LRCH1: variants seen among roughly 807,000 people sequenced by gnomAD.
The protein encoded by LRCH1 is leucine rich repeats and calponin homology domain containing 1.
LRCH1 carries 23 observed loss-of-function variants against 94.9 expected under a neutral mutation model. The observed-to-expected ratio is 0.24, with a 90% CI of 0.17 to 0.34. The LOEUF (loss-of-function observed/expected upper bound fraction) is 0.34, where lower values mean the gene tolerates loss of function less well. Ranked by LOEUF, LRCH1 falls within the 10% of genes least tolerant of loss-of-function variation. LRCH1 has a pLI of 1.00. For missense variants in LRCH1, 790 were observed against 945.9 expected, an observed-to-expected ratio of 0.84 and a Z score of 2.16; for synonymous variants, 364 against 354.9, an observed-to-expected ratio of 1.03 and a Z score of -0.29.
At chr13:46,613,429 ACT>A (rs1381530611) in intron 1 of LRCH1, among the ~76,000 whole-genome samples, 1 of 151,436 alleles carries the variant, frequency 6.6e-6, no homozygotes, top group Non-Finnish European at 1.5e-5. Flanking sequence ...TTGTATTTAT[ACT>A]CTCTGCTCCT....
chr13:46,721,273 AAG>A (rs749515684), intron 16 of LRCH1, among the ~76,000 whole-genome samples: 20 of 152,186 alleles, frequency 1.3e-4, no homozygotes, highest in Non-Finnish European at 2.8e-4. Context: ...CCCCAGAAAA[AAG>A]GCAAAGGAAA....
chr13:46,658,314 CA>C (rs554379577), intron 2 of LRCH1, among the ~76,000 whole-genome samples: 24 of 151,976 alleles, frequency 1.6e-4, no homozygotes, highest in Non-Finnish European at 1.8e-4. Context: ...CATTGATTAC[CA>C]GTGATTTTTT....
intron 1 of LRCH1, among the ~76,000 whole-genome samples, chr13:46,564,084 G>C (rs2050157073): frequency 6.6e-6 from 1 of 152,196 alleles, no homozygotes; most frequent in African/African-American, 2.4e-5. Context: ...AAAGCTAACG[G>C]TAGTTACAGA....
At chr13:46,711,955 CTT>C in intron 14 of LRCH1, 111 bp downstream of exon 14, 1 of 782,972 alleles carries the variant, frequency 1.3e-6, no homozygotes, top group Non-Finnish European at 2.1e-6. Flanking sequence ...TTAATTGAGT[CTT>C]TGGGGGAATC....
chr13:46,722,820 A>G (rs1231075314), intron 16 of LRCH1, among the ~76,000 whole-genome samples: 6 of 152,272 alleles, frequency 3.9e-5, no homozygotes, highest in Non-Finnish European at 7.3e-5. Context: ...TTTAATACAT[A>G]CAACAATTCT....
intron 1 of LRCH1, among the ~76,000 whole-genome samples, chr13:46,585,764 C>T (rs2137951375): frequency 6.6e-6 from 1 of 152,090 alleles, no homozygotes; most frequent in Non-Finnish European, 1.5e-5. Flanking sequence ...GTCATTCCCC[C>T]TGCCCACCCC....
intron 2 of LRCH1, among the ~76,000 whole-genome samples, chr13:46,653,700 G>A (rs1200296201): frequency 5.9e-5 from 9 of 151,892 alleles, no homozygotes; most frequent in South Asian, 2.1e-4. Context: ...GCGTGGTGGC[G>A]TGCACCTGTA....
At chr13:46,639,360 G>T (rs1448289650) in intron 1 of LRCH1, among the ~76,000 whole-genome samples, 1 of 152,084 alleles carries the variant, frequency 6.6e-6, no homozygotes, top group Non-Finnish European at 1.5e-5. Flanking sequence ...CATTTTCTTT[G>T]CATTTCCGAA....
chr13:46,605,590 T>A (rs1247458493), intron 1 of LRCH1, among the ~76,000 whole-genome samples: 11 of 152,294 alleles, frequency 7.2e-5, no homozygotes, highest in Non-Finnish European at 2.9e-5. Context: ...TTAAAAATAA[T>A]CATAAGCATG....
Position 46,553,266 on chromosome 13 carries a change from T to A in LRCH1, c.-131T>A. 24 of 305,472 alleles carry A rather than the reference T, an allele frequency of 7.9e-5. No homozygotes were observed. The highest frequency in any genetic ancestry group is 1.2e-4 in the Non-Finnish European group (20 of 173,444). The allele number at this position is 305,472 out of a possible 1,614,324, so 18.9% of individuals were successfully genotyped here. ...CCATTCTACGCGCCTGCCCACACCC[T>A]CCTCCCCTCCTTCCAGCGCCTTTCG... On this transcript the variant is annotated 5_prime_UTR_variant, in exon 1 of 20. Transcript: ENST00000389797.
chr13:46,623,755 A>G (rs1219616770), intron 1 of LRCH1, among the ~76,000 whole-genome samples: 1 of 141,072 alleles, frequency 7.1e-6, no homozygotes, highest in Non-Finnish European at 1.5e-5. Context: ...GTACATGTGT[A>G]CAACGTACAG....
intron 1 of LRCH1, among the ~76,000 whole-genome samples, chr13:46,605,801 AAAAC>A: frequency 6.6e-6 from 1 of 152,320 alleles, no homozygotes; most frequent in East Asian, 1.9e-4. Context: ...TTATGAGATA[AAAAC>A]AAACCTATAA....
chr13:46,631,243 C>T (rs1164440900), intron 1 of LRCH1, among the ~76,000 whole-genome samples: 1 of 152,226 alleles, frequency 6.6e-6, no homozygotes, highest in African/African-American at 2.4e-5. Context: ...CTGCACTTGC[C>T]ATGCCGTCTC....
intron 11 of LRCH1, among the ~76,000 whole-genome samples, chr13:46,704,014 T>C (rs1321366721): frequency 6.6e-6 from 1 of 152,154 alleles, no homozygotes; most frequent in Non-Finnish European, 1.5e-5. Flanking sequence ...TTTAAAATAC[T>C]ATGTTGTAAA....
chr13:46,707,809 G>A (rs544476120), intron 13 of LRCH1, among the ~76,000 whole-genome samples: 7 of 152,138 alleles, frequency 4.6e-5, no homozygotes, highest in South Asian at 2.1e-4. Context: ...ATAAATATTC[G>A]TTGATTGCCT....
At chr13:46,701,235 C>T (rs761044705) in intron 11 of LRCH1, 28 bp downstream of exon 11, 2 of 1,494,468 alleles carry the variant, frequency 1.3e-6, no homozygotes, top group Non-Finnish European at 1.9e-6. Context: ...GTCCAGGTTT[C>T]ATGTGTAAAT....
At chr13:46,665,535 T>C (rs981263560) in intron 2 of LRCH1, among the ~76,000 whole-genome samples, 32 of 152,344 alleles carry the variant, frequency 2.1e-4, no homozygotes, top group African/African-American at 7.7e-4. Flanking sequence ...GTCATTTAAC[T>C]GAAAAAGATG....
chr13:46,660,091 A>C (rs1322097051), intron 2 of LRCH1, among the ~76,000 whole-genome samples: 1 of 130,234 alleles, frequency 7.7e-6, no homozygotes, highest in African/African-American at 2.9e-5. Flanking sequence ...TGCTCACTGC[A>C]AGCTCCGCCT....
rs1192685304 is a variant in LRCH1 at position 46,742,447 on chromosome 13, A to G, written c.*599A>G. On this transcript the variant is annotated 3_prime_UTR_variant, in exon 20 of 20. Transcript: ENST00000389797. ...CGATTGGATTCCTCCCAAATTTCCT[A>G]AAAAGGGAGCCGCGAAGGGCGCTGG... is the stretch of plus-strand genomic sequence containing the variant. 5.1e-6 allele frequency: 5 copies of G among 986,808 alleles called. No homozygotes were observed. In the East Asian group the frequency reaches 5.6e-4, roughly 111 times the overall value. The allele number at this position is 986,808 out of a possible 1,614,324, so 61.1% of individuals were successfully genotyped here.
Sources: allele counts gnomAD v4.1 joint callset (sites outside exome capture counted in the v4.1 genomes callset), GRCh38; gene constraint gnomAD v4.1.1; transcripts MANE v1.5; gene names NCBI Gene and HGNC (gene_info 2026-07-23, HGNC 2026-07-21).